The following SUCLG2 variants were observed in gnomAD, a reference collection of about 807,000 sequenced individuals.
The protein encoded by SUCLG2 is succinate-CoA ligase GDP-forming subunit beta, also known as succinate--CoA ligase [GDP-forming] subunit beta, mitochondrial.
Under a neutral mutation model 47.9 loss-of-function variants are expected in SUCLG2, and 42 were observed. That is an observed-to-expected ratio of 0.88 (90% CI 0.69 to 1.14). The LOEUF is 1.14. Among genes scored for constraint, SUCLG2 ranks in the 50% most tolerant of loss-of-function variants. SUCLG2 has a pLI of 0.00. For synonymous variants in SUCLG2, 195 were observed against 197.3 expected (o/e 0.99, Z 0.10); for missense variants, 571 against 525.9 (o/e 1.09, Z -0.84).
intron 6 of SUCLG2, among the ~76,000 whole-genome samples, chr3:67,510,001 CTCTT>C (rs1160397863): frequency 6.6e-6 from 1 of 152,168 alleles, no homozygotes; most frequent in African/African-American, 2.4e-5. Flanking sequence ...TTCCACTCCT[CTCTT>C]TCTATCTGGG....
chr3:67,385,666 A>C (rs1702244247), intron 10 of SUCLG2, among the ~76,000 whole-genome samples: 1 of 152,218 alleles, frequency 6.6e-6, no homozygotes, highest in South Asian at 2.1e-4. Context: ...TGGGTTTACA[A>C]AGCTGCCTAA....
At chr3:67,431,628 T>A (rs1703482643) in intron 9 of SUCLG2, among the ~76,000 whole-genome samples, 3 of 151,482 alleles carry the variant, frequency 2.0e-5, no homozygotes, top group Admixed American at 2.0e-4. Flanking sequence ...CTCAGCAAAC[T>A]ATCACAAGGA....
At chr3:67,520,058 A>G (rs561746536) in intron 5 of SUCLG2, among the ~76,000 whole-genome samples, 2 of 152,306 alleles carry the variant, frequency 1.3e-5, no homozygotes, top group South Asian at 4.1e-4. Flanking sequence ...GAGAGAACTC[A>G]AGACAGTTTC....
chr3:67,648,367 G>C (rs761677700), intron 1 of SUCLG2, among the ~76,000 whole-genome samples: 1 of 152,184 alleles, frequency 6.6e-6, no homozygotes, highest in Non-Finnish European at 1.5e-5. Context: ...ACCTTCATCA[G>C]CACAAGTCCA....
chr3:67,398,813 C>T (rs989303591), intron 10 of SUCLG2, among the ~76,000 whole-genome samples: 16 of 152,086 alleles, frequency 1.1e-4, no homozygotes, highest in African/African-American at 3.4e-4. Flanking sequence ...AAATGTGGCT[C>T]ATATACACCA....
At chr3:67,488,381 G>T (rs760886926) in intron 9 of SUCLG2, among the ~76,000 whole-genome samples, 1 of 151,896 alleles carries the variant, frequency 6.6e-6, no homozygotes, top group Non-Finnish European at 1.5e-5. Context: ...CATGGAAAGA[G>T]GAAAAAAAGG....
At chr3:67,455,507 T>C (rs1231752745) in intron 9 of SUCLG2, among the ~76,000 whole-genome samples, 2 of 152,254 alleles carry the variant, frequency 1.3e-5, no homozygotes, top group African/African-American at 4.8e-5. Flanking sequence ...AATTTCTTCC[T>C]GCTCCTAAAA....
chr3:67,446,866 T>A (rs1703940468), intron 9 of SUCLG2, among the ~76,000 whole-genome samples: 1 of 152,176 alleles, frequency 6.6e-6, no homozygotes, highest in African/African-American at 2.4e-5. Context: ...TATTTTAAAT[T>A]GTGACATATT....
chr3:67,470,321 G>A (rs1335295870), intron 9 of SUCLG2, among the ~76,000 whole-genome samples: 1 of 152,128 alleles, frequency 6.6e-6, no homozygotes, highest in African/African-American at 2.4e-5. Context: ...TTCAGCCTCT[G>A]CTTTATTCCT....
intron 7 of SUCLG2, among the ~76,000 whole-genome samples, chr3:67,502,589 T>C (rs1054612162): frequency 1.3e-5 from 2 of 152,216 alleles, no homozygotes; most frequent in African/African-American, 4.8e-5. Flanking sequence ...AGCAGGTTGT[T>C]AGACGACCAC....
At chr3:67,407,883 A>T (rs1234930323) in intron 9 of SUCLG2, among the ~76,000 whole-genome samples, 1 of 152,178 alleles carries the variant, frequency 6.6e-6, no homozygotes, top group African/African-American at 2.4e-5. Flanking sequence ...ATGAATTCTA[A>T]TCATGTCTTC....
At chr3:67,613,029 T>A (rs536943901) in intron 1 of SUCLG2, among the ~76,000 whole-genome samples, 1 of 152,326 alleles carries the variant, frequency 6.6e-6, no homozygotes, top group Non-Finnish European at 1.5e-5. Flanking sequence ...CCATGCCCTC[T>A]CTGGGGGTAC....
chr3:67,622,681 G>GA (rs932269908), intron 1 of SUCLG2, among the ~76,000 whole-genome samples: 16 of 151,550 alleles, frequency 1.1e-4, no homozygotes, highest in South Asian at 6.2e-4. Flanking sequence ...GCTAGAAAAA[G>GA]AAAAAAAATC....
intron 6 of SUCLG2, chr3:67,514,001 C>T (rs1321553427): frequency 4.0e-5 from 12 of 299,050 alleles, no homozygotes; most frequent in South Asian, 2.4e-4. Flanking sequence ...CTCTACCCAG[C>T]GGAATACGAC....
At chr3:67,395,834 G>A (rs553400747) in intron 10 of SUCLG2, among the ~76,000 whole-genome samples, 95 of 152,284 alleles carry the variant, frequency 6.2e-4, no homozygotes, top group Admixed American at 2.9e-3. Context: ...TCAGACCACA[G>A]TGCAATCAAA....
intron 1 of SUCLG2, among the ~76,000 whole-genome samples, chr3:67,640,288 T>G (rs1395796080): frequency 6.6e-6 from 1 of 152,224 alleles, no homozygotes. Context: ...ACAGCCATTT[T>G]GCAAAGTTAA....
chr3:67,565,113 C>T (rs536467818), intron 2 of SUCLG2, among the ~76,000 whole-genome samples: 5 of 152,180 alleles, frequency 3.3e-5, no homozygotes, highest in African/African-American at 7.2e-5. Context: ...GACAGGGAAA[C>T]ACATTAAATA....
rs117378561 is a variant in SUCLG2, at chr3:67,387,122, C to T, written c.1184-11263G>A. 5.2e-4 allele frequency among the ~76,000 whole-genome samples: 79 copies of T among 152,224 alleles called. No individual in the cohort carries two copies. In the East Asian group the frequency reaches 7.1e-3, roughly 14 times the overall value. ...AAAGGAAAAATGAAAATGGCAGACA[C>T]GCCAGTCAGCAAAGCCTAATATGAA... On this transcript the variant is annotated intron_variant, in intron 10 of 10. Coordinates refer to ENST00000307227, the MANE Select transcript of SUCLG2 (RefSeq NM_003848.4).
intron 2 of SUCLG2, among the ~76,000 whole-genome samples, chr3:67,563,010 T>C (rs1172220565): frequency 1.3e-5 from 2 of 151,290 alleles, no homozygotes; most frequent in Non-Finnish European, 2.9e-5. Context: ...AGTAATTATA[T>C]GTTTGATATA....
Sources: gnomAD v4.1 joint callset for allele counts (sites outside exome capture counted in the v4.1 genomes callset) on GRCh38, gnomAD v4.1.1 for gene constraint, MANE v1.5 for transcripts, NCBI Gene and HGNC (gene_info 2026-07-23, HGNC 2026-07-21) for gene names.